DNAJC8: variants seen among roughly 807,000 people sequenced by gnomAD.
The protein encoded by DNAJC8 is dnaJ homolog subfamily C member 8.
A neutral mutation model predicts 43.2 loss-of-function variants in DNAJC8; 24 were observed. The observed-to-expected ratio is 0.56, with a 90% confidence interval of 0.40 to 0.78. DNAJC8 has a LOEUF of 0.78. DNAJC8 is among the 30% of genes least tolerant of loss of function. The pLI is 0.00. For missense variants in DNAJC8, 207 were observed against 299.4 expected (o/e 0.69, Z 2.28); for synonymous variants, 83 against 98.0 (o/e 0.85, Z 0.90).
chr1:28,230,219 T>C (rs968288750), intron 1 of DNAJC8: 5 of 152,230 alleles, frequency 3.3e-5, no homozygotes, highest in African/African-American at 1.2e-4. Context: ...CTAGTTGGAA[T>C]GAATCTCTGG....
rs1283268332 is a variant in DNAJC8 at position 28,201,119 on chromosome 1, T to C, written c.*129A>G. The C allele has an allele frequency of 2.2e-6, 3 of 1,354,600 alleles. No individual in the cohort carries two copies. Among genetic ancestry groups the C allele is most frequent in the Middle Eastern group, 2.7e-4 (1 of 3,754 alleles). The allele number at this position is 1,354,600 out of a possible 1,614,324, so 83.9% of individuals were successfully genotyped here. On this transcript the variant is annotated 3_prime_UTR_variant, in exon 9 of 9. Coordinates refer to ENST00000263697, the MANE Select transcript of DNAJC8 (RefSeq NM_014280.3). Reference sequence around the variant, plus strand: ...TTACTCTGATCGATATTAAATCGTATTGAAAACAAAATGGACTAAAAAGCA... The same window carrying C: ...TTACTCTGATCGATATTAAATCGTACTGAAAACAAAATGGACTAAAAAGCA...
In DNAJC8 at chr1:28,220,113, CAT is replaced by C. The variant is rs575012368; in HGVS notation, c.181-5119_181-5118del. Among the ~76,000 whole-genome samples, 370 of 152,310 alleles carry C rather than the reference CAT, an allele frequency of 2.4e-3. 1 individual carries two copies. Among genetic ancestry groups the C allele is most frequent in the Non-Finnish European group, 4.2e-3 (285 of 68,036 alleles). On this transcript the variant is annotated intron_variant, in intron 2 of 8. Coordinates refer to ENST00000263697, the MANE Select transcript of DNAJC8 (RefSeq NM_014280.3). Reference sequence around the variant, plus strand: ...CAACACCTGGAGCTTACTTTCACCACATGATTGGGCAAAAAGGAGGAGAGTAT... The same window carrying C: ...CAACACCTGGAGCTTACTTTCACCACGATTGGGCAAAAAGGAGGAGAGTAT...
At chr1:28,202,577 C>A (rs1339586015) in intron 8 of DNAJC8, among the ~76,000 whole-genome samples, 1 of 136,136 alleles carries the variant, frequency 7.3e-6, no homozygotes, top group Non-Finnish European at 1.6e-5. Flanking sequence ...CCTCACCCGG[C>A]CTTTTTTTTT....
intron 2 of DNAJC8, among the ~76,000 whole-genome samples, chr1:28,224,624 T>C (rs1646921219): frequency 6.6e-6 from 1 of 152,038 alleles, no homozygotes; most frequent in Non-Finnish European, 1.5e-5. Flanking sequence ...GGCTCACGCC[T>C]GAAATCCCAG....
intron 3 of DNAJC8, among the ~76,000 whole-genome samples, chr1:28,211,498 C>T (rs1012736412): frequency 2.0e-5 from 3 of 152,234 alleles, no homozygotes; most frequent in Non-Finnish European, 4.4e-5. Context: ...TCAACCTGTA[C>T]TAAGCACTAA....
At chr1:28,212,201 ATATATATATATAT>A (rs1646818179) in intron 3 of DNAJC8, among the ~76,000 whole-genome samples, 1 of 122,214 alleles carries the variant, frequency 8.2e-6, no homozygotes, top group Admixed American at 8.5e-5. Flanking sequence ...ATATATATAT[ATATATATATATAT>A]AAATGAAATT....
chr1:28,205,446 T>C (rs1572059609), intron 6 of DNAJC8, 97 bp from the exon 7 acceptor site: 1 of 871,558 alleles, frequency 1.1e-6, no homozygotes, highest in East Asian at 2.5e-5. Context: ...TAAAGCAGAT[T>C]AAAACCTGGC....
intron 3 of DNAJC8, 91 bp downstream of exon 3, chr1:28,214,849 C>T: frequency 1.7e-6 from 2 of 1,172,730 alleles, no homozygotes; most frequent in South Asian, 1.9e-5. Context: ...AAATTTTGGC[C>T]CAAACATATC....
chr1:28,200,401 C>T lies in DNAJC8; in HGVS notation c.*847G>A, dbSNP rs985625848. 3 of 445,250 alleles carry T rather than the reference C, an allele frequency of 6.7e-6. No individual in the cohort carries two copies. Among genetic ancestry groups the T allele is most frequent in the Non-Finnish European group, 1.4e-5 (3 of 221,658 alleles). 27.6% of individuals were successfully genotyped at this position (445,250 alleles called of 1,614,324 possible). A position where few individuals can be genotyped will look rare whatever the true frequency, so the allele number is the denominator to read the frequency against. ...TTACCTTGTATATGCCATGGCAAAT[C>T]TGCCCTAAAAGCTGCTGCAGTAATT... On this transcript the variant is annotated 3_prime_UTR_variant, in exon 9 of 9. Transcript: ENST00000263697.
At chr1:28,209,510 A>G (rs1276221357) in intron 5 of DNAJC8, among the ~76,000 whole-genome samples, 1 of 152,030 alleles carries the variant, frequency 6.6e-6, no homozygotes, top group African/African-American at 2.4e-5. Context: ...GTTCTTCCCA[A>G]CTCTGTTATT....
intron 3 of DNAJC8, among the ~76,000 whole-genome samples, chr1:28,214,506 C>T (rs1190497478): frequency 2.6e-5 from 4 of 151,960 alleles, no homozygotes; most frequent in East Asian, 3.8e-4. Context: ...TACACTCCAG[C>T]GTGGGCGACA....
At position 28,200,491 on chromosome 1, in the gene DNAJC8, T is replaced by C. The variant is rs1465350509; in HGVS notation, c.*757A>G. 2.0e-5 allele frequency: 9 copies of C among 456,370 alleles called. No homozygotes were observed. The highest frequency in any genetic ancestry group is 1.4e-4 in the South Asian group (9 of 64,548). 28.3% of individuals were successfully genotyped at this position (456,370 alleles called of 1,614,324 possible). On this transcript the variant is annotated 3_prime_UTR_variant, in exon 9 of 9. Transcript: ENST00000263697. ...CAGGTCTGTCCAACCCCAAAGCATT[T>C]TGGGGTTCAGCCAAGCCAGACAAGG...
intron 6 of DNAJC8, among the ~76,000 whole-genome samples, chr1:28,206,836 T>C (rs1027588859): frequency 2.0e-5 from 3 of 152,132 alleles, no homozygotes; most frequent in Admixed American, 2.0e-4. Context: ...TCCCTAAATC[T>C]CTGTGACTTC....
intron 8 of DNAJC8, among the ~76,000 whole-genome samples, chr1:28,201,799 A>AG (rs1553167350): frequency 3.3e-5 from 5 of 149,772 alleles, no homozygotes; most frequent in Non-Finnish European, 7.4e-5. Flanking sequence ...CAAAAAAAAA[A>AG]AAAAGAAAAG....
intron 4 of DNAJC8, 184 bp downstream of exon 4, chr1:28,210,387 A>G (rs1180419420): frequency 3.4e-6 from 2 of 590,940 alleles, no homozygotes; most frequent in Non-Finnish European, 5.9e-6. Flanking sequence ...AACAAAGCAA[A>G]GTTAAGGTCT....
Position 28,201,089 on chromosome 1 carries a change from A to G in DNAJC8, c.*159T>C. On this transcript the variant is annotated 3_prime_UTR_variant, in exon 9 of 9. Transcript: ENST00000263697. ...CCAAGCCCCTCATTTCAATGTACAAAAGAATTACTCTGATCGATATTAAAT... is the reference window on the plus strand; with the variant it reads ...CCAAGCCCCTCATTTCAATGTACAAGAGAATTACTCTGATCGATATTAAAT... 9.0e-7 allele frequency: 1 copy of G among 1,107,070 alleles called. No homozygotes were observed. Among genetic ancestry groups the G allele is most frequent in the Non-Finnish European group, 1.3e-6 (1 of 784,502 alleles). The allele number at this position is 1,107,070 out of a possible 1,614,324, so 68.6% of individuals were successfully genotyped here.
At chr1:28,225,506 A>G (rs1416327715) in intron 2 of DNAJC8, among the ~76,000 whole-genome samples, 4 of 151,134 alleles carry the variant, frequency 2.6e-5, no homozygotes, top group African/African-American at 9.7e-5. Flanking sequence ...GTTTCCTAGA[A>G]GAGGCAAATT....
In DNAJC8 at chr1:28,201,181, G is replaced by A; in HGVS notation, c.*67C>T. On this transcript the variant is annotated 3_prime_UTR_variant, in exon 9 of 9. Transcript: ENST00000263697. ...ATGTTGGGGTGGAAGTGGGAGGAAA[G>A]AATGAGTCCTTCGAAGCAGGAAGGG... 2 of 1,602,444 alleles carry A rather than the reference G, an allele frequency of 1.2e-6. No individual in the cohort carries two copies. The highest frequency in any genetic ancestry group is 1.7e-6 in the Non-Finnish European group (2 of 1,176,206).
At chr1:28,218,831 A>G (rs1646879618) in intron 2 of DNAJC8, among the ~76,000 whole-genome samples, 2 of 152,112 alleles carry the variant, frequency 1.3e-5, no homozygotes, top group Admixed American at 6.6e-5. Flanking sequence ...TCCCAAGGAG[A>G]AAGGAATTGG....
Sources: allele counts gnomAD v4.1 joint callset (sites outside exome capture counted in the v4.1 genomes callset), GRCh38; gene constraint gnomAD v4.1.1; transcripts MANE v1.5; gene names NCBI Gene and HGNC (gene_info 2026-07-23, HGNC 2026-07-21).